SNX19: variants seen among roughly 807,000 people sequenced by gnomAD.
SNX19 encodes the protein sorting nexin-19.
A neutral mutation model predicts 85.2 loss-of-function variants in SNX19; 60 were observed. That is an observed-to-expected ratio of 0.70 (90% confidence interval 0.57 to 0.87). The LOEUF (loss-of-function observed/expected upper bound fraction) is 0.87, where lower values mean the gene tolerates loss of function less well. Ranked by LOEUF, SNX19 falls within the 40% of genes least tolerant of loss-of-function variation. SNX19 has a pLI of 0.00. For synonymous variants in SNX19, 520 were observed against 470.0 expected (o/e 1.11, Z -1.38); for missense variants, 1,201 against 1,217.8 (o/e 0.99, Z 0.21).
intron 8 of SNX19, among the ~76,000 whole-genome samples, chr11:130,882,199 C>G (rs1369842439): frequency 6.6e-6 from 1 of 152,148 alleles, no homozygotes; most frequent in East Asian, 1.9e-4. Flanking sequence ...TTGAGGCCTC[C>G]CCTTCACCCA....
rs1038180858 is a variant in SNX19, at chr11:130,870,614, A to G, written c.*7808T>C. 6.6e-6 allele frequency among the ~76,000 whole-genome samples: 1 copy of G among 152,188 alleles called. No individual in the cohort carries two copies. Among genetic ancestry groups the G allele is most frequent in the Non-Finnish European group, 1.5e-5 (1 of 68,034 alleles). ...GAGGTTTACGGTGGTTTCTCCACAT[A>G]TCTTCACCCTTCAAGCCTTTCCATA... On this transcript the variant is annotated 3_prime_UTR_variant, in exon 11 of 11. Transcript: ENST00000265909.
Position 130,868,310 on chromosome 11 carries a change from G to C in SNX19, c.*10112C>G, listed in dbSNP as rs1020481401. On this transcript the variant is annotated 3_prime_UTR_variant, in exon 11 of 11. Transcript: ENST00000265909. ...TACACACAAAACGGGTGGGTGCGGA[G>C]CCCTTTCACCAGGAACTGGGTTGCA... is the stretch of plus-strand genomic sequence containing the variant. 1.3e-5 allele frequency: 2 copies of C among 152,062 alleles called. No individual in the cohort carries two copies. The highest frequency in any genetic ancestry group is 2.4e-5 in the African/African-American group (1 of 41,394). 9.4% of individuals were successfully genotyped at this position (152,062 alleles called of 1,614,324 possible).
At chr11:130,906,202 G>C (rs937055461) in intron 6 of SNX19, 69 bp from the exon 7 acceptor site, 8 of 1,510,248 alleles carry the variant, frequency 5.3e-6, no homozygotes, top group Admixed American at 1.9e-5. Flanking sequence ...AGCACTCTAG[G>C]TTTCCCTGCC....
At chr11:130,903,177 C>A in intron 8 of SNX19, 78 bp downstream of exon 8, 1 of 1,580,488 alleles carries the variant, frequency 6.3e-7, no homozygotes, top group Non-Finnish European at 8.6e-7. Context: ...CTGCAGATTC[C>A]CTGGACACTA....
chr11:130,909,966 C>T, intron 4 of SNX19, 52 bp downstream of exon 4: 1 of 1,606,386 alleles, frequency 6.2e-7, no homozygotes, highest in Non-Finnish European at 8.5e-7. Context: ...CTGATGAATC[C>T]TCCCCATTTA....
At chr11:130,908,280 T>G in intron 4 of SNX19, 197 bp from the exon 5 acceptor site, 2 of 449,540 alleles carry the variant, frequency 4.4e-6, no homozygotes, top group Non-Finnish European at 7.4e-6. Context: ...TCCATGGCCA[T>G]AAAAATCTTT....
In SNX19 at chr11:130,879,607, A is replaced by G; in HGVS notation, c.2846+17T>C. 6.2e-7 allele frequency: 1 copy of G among 1,610,508 alleles called. No homozygotes were observed. The highest frequency in any genetic ancestry group is 1.1e-5 in the South Asian group (1 of 91,016). On this transcript the variant is annotated intron_variant, in intron 10 of 10. Coordinates refer to ENST00000265909, the MANE Select transcript of SNX19 (RefSeq NM_014758.3). The stretch of plus-strand genomic sequence containing the variant: ...GCTGTAACTATGCTGATGTTGGAAT[A>G]ACATTTTCCCACTTACCTGTTGATG...
intron 8 of SNX19, among the ~76,000 whole-genome samples, chr11:130,899,444 G>C (rs957138656): frequency 2.6e-5 from 4 of 152,088 alleles, no homozygotes; most frequent in Non-Finnish European, 5.9e-5. Flanking sequence ...CCAGCTATAA[G>C]GTACTTCAGA....
chr11:130,879,191 T>C (rs1281413159), intron 10 of SNX19, among the ~76,000 whole-genome samples: 1 of 152,220 alleles, frequency 6.6e-6, no homozygotes. Flanking sequence ...AGCTTTGCTA[T>C]AAGGCCAGGG....
Position 130,915,265 on chromosome 11 carries a change from G to C in SNX19, c.675C>G (p.Pro225=). Residue 225 remains proline, a synonymous_variant, in exon 1 of 11, where the codon CCC becomes CCG. Coordinates refer to ENST00000265909, the MANE Select transcript of SNX19 (RefSeq NM_014758.3). Reference sequence around the variant, plus strand: ...CGGTACGAGTCTCCAAGTGGGGCTTGGGCACCAGCCCTTGAAGCAACAAAT... The same window carrying C: ...CGGTACGAGTCTCCAAGTGGGGCTTCGGCACCAGCCCTTGAAGCAACAAAT... ...VVNLLLQGLV[P]KPHLETRTGR... 1 of 1,614,222 alleles carries C rather than the reference G, an allele frequency of 6.2e-7. No homozygotes were observed. Among genetic ancestry groups the C allele is most frequent in the South Asian group, 1.1e-5 (1 of 91,086 alleles).
chr11:130,903,779 T>A (rs754807395), intron 7 of SNX19, among the ~76,000 whole-genome samples: 1 of 151,226 alleles, frequency 6.6e-6, no homozygotes, highest in African/African-American at 2.4e-5. Flanking sequence ...TAGTTTCTAT[T>A]TCTTCTGTAT....
rs1345533360 is a variant in SNX19 at position 130,866,443 on chromosome 11, T to C, written c.*11979A>G. 1 of 152,072 alleles carries C rather than the reference T, an allele frequency of 6.6e-6. No homozygotes were observed. Among genetic ancestry groups the C allele is most frequent in the East Asian group, 1.9e-4 (1 of 5,186 alleles). The allele number at this position is 152,072 out of a possible 1,614,324, so 9.4% of individuals were successfully genotyped here. ...TGGTAATTCCAGCAGACAAACAGCA[T>C]GAGAAAAGGCCGGGAGACAGTAATA... is the stretch of plus-strand genomic sequence containing the variant. On this transcript the variant is annotated 3_prime_UTR_variant, in exon 11 of 11. Coordinates refer to ENST00000265909, the MANE Select transcript of SNX19 (RefSeq NM_014758.3).
Position 130,869,494 on chromosome 11 carries a change from T to G in SNX19, c.*8928A>C, listed in dbSNP as rs564781109. ...AGGGATTTGGGGAGAGGAAGCTTTA[T>G]TGGGATCTCTAGGGGCTATTTTATA... On this transcript the variant is annotated 3_prime_UTR_variant, in exon 11 of 11. Coordinates refer to ENST00000265909, the MANE Select transcript of SNX19 (RefSeq NM_014758.3). 1 of 152,210 alleles carries G rather than the reference T, an allele frequency of 6.6e-6. No homozygotes were observed. The highest frequency in any genetic ancestry group is 2.4e-5 in the African/African-American group (1 of 41,454). The allele number at this position is 152,210 out of a possible 1,614,324, so 9.4% of individuals were successfully genotyped here.
chr11:130,878,842 A>T lies in SNX19; in HGVS notation c.2847-288T>A, dbSNP rs960848574. Reference sequence around the variant, plus strand: ...CTGCTCTGAAGAACTGTGATAACAAATCCTTGAGATGTCAGGTTACTAGAC... The same window carrying T: ...CTGCTCTGAAGAACTGTGATAACAATTCCTTGAGATGTCAGGTTACTAGAC... On this transcript the variant is annotated intron_variant, in intron 10 of 10. Coordinates refer to ENST00000265909, the MANE Select transcript of SNX19 (RefSeq NM_014758.3). Among the ~76,000 whole-genome samples the T allele has an allele frequency of 2.0e-5, 3 of 152,210 alleles. No homozygotes were observed. The South Asian group carries it at 6.2e-4, about 32-fold the overall frequency.
At chr11:130,889,274 T>A (rs1944321281) in intron 8 of SNX19, among the ~76,000 whole-genome samples, 1 of 152,154 alleles carries the variant, frequency 6.6e-6, no homozygotes, top group Admixed American at 6.5e-5. Flanking sequence ...CTGATCGCAG[T>A]TAACTACCCT....
intron 8 of SNX19, among the ~76,000 whole-genome samples, chr11:130,891,036 T>C (rs1944461553): frequency 6.6e-6 from 1 of 152,192 alleles, no homozygotes. Flanking sequence ...AAATAGGTTC[T>C]GCAGAAAGCA....
In SNX19 at chr11:130,880,813, T is replaced by C; in HGVS notation, c.2574-7A>G. On this transcript the variant is annotated splice_region_variant and splice_polypyrimidine_tract_variant and intron_variant, in intron 8 of 10. Coordinates refer to ENST00000265909, the MANE Select transcript of SNX19 (RefSeq NM_014758.3). Reference sequence around the variant, plus strand: ...TACCTGCACCTCTAGCCACCTGTGGTAGAAGAGAGACGAAAGCTTAGATAA... The same window carrying C: ...TACCTGCACCTCTAGCCACCTGTGGCAGAAGAGAGACGAAAGCTTAGATAA... The C allele has an allele frequency of 1.3e-6, 2 of 1,540,328 alleles. No individual in the cohort carries two copies. Among genetic ancestry groups the C allele is most frequent in the Middle Eastern group, 1.7e-4 (1 of 5,748 alleles).
rs145966737 is a variant in SNX19, at chr11:130,896,527, A to G, written c.2573+6728T>C. 6.5e-3 allele frequency among the ~76,000 whole-genome samples: 991 copies of G among 152,316 alleles called. 6 individuals carry two copies. Among genetic ancestry groups the G allele is most frequent in the African/African-American group, 0.023 (942 of 41,568 alleles). On this transcript the variant is annotated intron_variant, in intron 8 of 10. Coordinates refer to ENST00000265909, the MANE Select transcript of SNX19 (RefSeq NM_014758.3). ...GGAACTTTCAGGTGAACCCAGTTCT[A>G]GTGGCCACTGCTTTGTGGGAAAGCT...
At chr11:130,894,459 GA>G (rs1565524874) in intron 8 of SNX19, among the ~76,000 whole-genome samples, 1 of 152,240 alleles carries the variant, frequency 6.6e-6, no homozygotes, top group Non-Finnish European at 1.5e-5. Flanking sequence ...GGAGTAGGCA[GA>G]TAAGTGGCCT....
Sources: gnomAD v4.1 joint callset for allele counts (sites outside exome capture counted in the v4.1 genomes callset) on GRCh38, gnomAD v4.1.1 for gene constraint, MANE v1.5 for transcripts, NCBI Gene and HGNC (gene_info 2026-07-23, HGNC 2026-07-21) for gene names.